PCDH9: variants seen among roughly 807,000 people sequenced by gnomAD.
PCDH9 encodes the protein protocadherin-9.
A neutral mutation model predicts 70.6 loss-of-function variants in PCDH9; 24 were observed. That is an observed-to-expected ratio of 0.34 (90% CI 0.25 to 0.48). The LOEUF is 0.48. Among genes scored for constraint, PCDH9 ranks in the 20% least tolerant of loss-of-function variants. The pLI, the probability that PCDH9 is intolerant of heterozygous loss-of-function variation, is 0.99. For synonymous variants in PCDH9, 562 were observed against 558.5 expected (o/e 1.01, Z -0.09); for missense variants, 1,281 against 1,503.6 (o/e 0.85, Z 2.45).
intron 2 of PCDH9, among the ~76,000 whole-genome samples, chr13:67,057,635 T>C (rs1594451789): frequency 6.6e-6 from 1 of 152,248 alleles, no homozygotes; most frequent in African/African-American, 2.4e-5. Context: ...AGATTGACTT[T>C]GAATTCAGAA....
At chr13:67,056,960 A>G (rs993268817) in intron 2 of PCDH9, among the ~76,000 whole-genome samples, 14 of 152,218 alleles carry the variant, frequency 9.2e-5, no homozygotes, top group African/African-American at 3.4e-4. Context: ...ACAATTATTT[A>G]TACTGTGTCT....
intron 2 of PCDH9, among the ~76,000 whole-genome samples, chr13:67,132,546 G>C (rs907877947): frequency 7.9e-5 from 12 of 152,114 alleles, no homozygotes; most frequent in African/African-American, 2.7e-4. Context: ...GAAGTAGAAG[G>C]CATGTGTGTC....
intron 2 of PCDH9, among the ~76,000 whole-genome samples, chr13:67,166,845 CT>C (rs1023237414): frequency 6.6e-6 from 1 of 152,012 alleles, no homozygotes; most frequent in Non-Finnish European, 1.5e-5. Flanking sequence ...CTTGTTTATC[CT>C]TTTTTTGACT....
chr13:67,054,819 C>G (rs1185989942), intron 2 of PCDH9, among the ~76,000 whole-genome samples: 3 of 152,114 alleles, frequency 2.0e-5, no homozygotes, highest in Non-Finnish European at 4.4e-5. Flanking sequence ...TAATCAGAAA[C>G]ATTTATGTCC....
At chr13:67,133,526 T>C (rs1338560160) in intron 2 of PCDH9, among the ~76,000 whole-genome samples, 1 of 152,088 alleles carries the variant, frequency 6.6e-6, no homozygotes, top group African/African-American at 2.4e-5. Context: ...ATTCTATAAT[T>C]TCAAATCTAA....
chr13:66,338,995 T>C (rs989867496), intron 4 of PCDH9, among the ~76,000 whole-genome samples: 3 of 152,126 alleles, frequency 2.0e-5, no homozygotes, highest in Non-Finnish European at 2.9e-5. Flanking sequence ...TGGCAGATTC[T>C]TGGCAGTGTA....
chr13:66,471,998 G>A (rs572713527), intron 4 of PCDH9, among the ~76,000 whole-genome samples: 1 of 152,080 alleles, frequency 6.6e-6, no homozygotes, highest in South Asian at 2.1e-4. Flanking sequence ...ATCGCTTAAG[G>A]TCAGGAGTTC....
intron 3 of PCDH9, among the ~76,000 whole-genome samples, chr13:66,819,962 G>T (rs1566215893): frequency 2.6e-5 from 4 of 152,010 alleles, no homozygotes; most frequent in Non-Finnish European, 2.9e-5. Context: ...ATTAGAAAGG[G>T]TAACCATGAT....
chr13:66,610,621 T>A lies in PCDH9; in HGVS notation c.3340+20589A>T, dbSNP rs185730685. ...CTGAACTTCTTATTTTAAATCATAA[T>A]CTTCTACTACACAATCGTTATGACT... On this transcript the variant is annotated intron_variant, in intron 4 of 4. Coordinates refer to ENST00000377865, the MANE Select transcript of PCDH9 (RefSeq NM_203487.3). 3.9e-5 allele frequency among the ~76,000 whole-genome samples: 6 copies of A among 152,318 alleles called. No individual in the cohort carries two copies. The East Asian group carries it at 1.2e-3, about 29-fold the overall frequency.
chr13:66,582,706 C>A lies in PCDH9; in HGVS notation c.3340+48504G>T, dbSNP rs188087956. 1.5e-4 allele frequency among the ~76,000 whole-genome samples: 23 copies of A among 152,162 alleles called. No individual in the cohort carries two copies. In the South Asian group the frequency reaches 1.7e-3, roughly 11 times the overall value. On this transcript the variant is annotated intron_variant, in intron 4 of 4. Transcript: ENST00000377865. ...GACTGATATTGCTACTTCAAGAGAG[C>A]CTTGTTCTTTTAACATTTCTTTATA...
intron 2 of PCDH9, among the ~76,000 whole-genome samples, chr13:66,987,829 G>A (rs994224003): frequency 6.6e-6 from 1 of 151,968 alleles, no homozygotes; most frequent in Non-Finnish European, 1.5e-5. Context: ...GATTCAGAAT[G>A]TTCTCCTTGA....
intron 2 of PCDH9, chr13:67,219,711 A>G (rs2089682887): frequency 6.6e-6 from 1 of 152,080 alleles, no homozygotes; most frequent in Non-Finnish European, 1.5e-5. Flanking sequence ...TAAATTGTGG[A>G]AAAAATATTA....
intron 4 of PCDH9, among the ~76,000 whole-genome samples, chr13:66,459,914 T>C (rs1437530929): frequency 6.6e-6 from 1 of 151,916 alleles, no homozygotes; most frequent in Admixed American, 6.6e-5. Context: ...ATTTCTCACG[T>C]AGAATATCAT....
intron 2 of PCDH9, among the ~76,000 whole-genome samples, chr13:67,016,807 A>G (rs2084570956): frequency 6.6e-6 from 1 of 152,180 alleles, no homozygotes; most frequent in African/African-American, 2.4e-5. Context: ...GCTCTTTTGT[A>G]TTATTATACT....
Position 67,225,622 on chromosome 13 carries a change from T to C in PCDH9, c.2819A>G (p.Lys940Arg), listed in dbSNP as rs1002265648. ...PNSPDLAKHY[K>R]SASPQPAFHL... Reference sequence around the variant, plus strand: ...AAAAGCAGGCTGTGGAGAAGCAGATTTGTAGTGCTTGGCCAGGTCAGGACT... The same window carrying C: ...AAAAGCAGGCTGTGGAGAAGCAGATCTGTAGTGCTTGGCCAGGTCAGGACT... Residue 940 changes from lysine (K) to arginine (R), a missense_variant, in exon 2 of 5, where the codon AAA becomes AGA. This residue lies in a region of PCDH9 where 207 missense variants were observed against 191.8 expected (regional missense o/e 1.08). Coordinates refer to ENST00000377865, the MANE Select transcript of PCDH9 (RefSeq NM_203487.3). The C allele has an allele frequency of 1.9e-6, 3 of 1,614,072 alleles. No homozygotes were observed. Among genetic ancestry groups the C allele is most frequent in the Non-Finnish European group, 2.5e-6 (3 of 1,179,988 alleles).
intron 2 of PCDH9, among the ~76,000 whole-genome samples, chr13:67,035,970 A>G (rs75839479): frequency 0.11 from 16,544 of 152,226 alleles, 990 homozygotes; most frequent in Middle Eastern, 0.16. Flanking sequence ...GCTGTTCCAA[A>G]CAATAAAATG....
intron 4 of PCDH9, among the ~76,000 whole-genome samples, chr13:66,509,494 C>T (rs1247595646): frequency 6.6e-6 from 1 of 152,154 alleles, no homozygotes; most frequent in African/African-American, 2.4e-5. Flanking sequence ...GATCAACTTC[C>T]CTTTTGCAAC....
Position 66,611,906 on chromosome 13 carries a change from G to A in PCDH9, c.3340+19304C>T, listed in dbSNP as rs143804013. On this transcript the variant is annotated intron_variant, in intron 4 of 4. Coordinates refer to ENST00000377865, the MANE Select transcript of PCDH9 (RefSeq NM_203487.3). ...TGACAAGTCAGAGTTACCTGCCTAA[G>A]GTTATGTAGCTGGCAAATAGAAGAG... Among the ~76,000 whole-genome samples the A allele has an allele frequency of 6.1e-4, 93 of 152,250 alleles. 2 individuals carry two copies. In the East Asian group the frequency reaches 0.015, roughly 24 times the overall value.
At chr13:66,593,950 C>A (rs181703007) in intron 4 of PCDH9, among the ~76,000 whole-genome samples, 1 of 151,196 alleles carries the variant, frequency 6.6e-6, no homozygotes, top group African/African-American at 2.4e-5. Flanking sequence ...TTTTTATAGT[C>A]TTTAATCATT....
Sources: gnomAD v4.1 joint callset for allele counts (sites outside exome capture counted in the v4.1 genomes callset) on GRCh38, gnomAD v4.1.1 for gene constraint, gnomAD v4.1.1 regional missense constraint, MANE v1.5 for transcripts, NCBI Gene and HGNC (gene_info 2026-07-23, HGNC 2026-07-21) for gene names.